The following UGGT1 variants were observed in gnomAD, a reference collection of about 807,000 sequenced individuals.
UGGT1 encodes UDP-glucose:glycoprotein glucosyltransferase 1.
A neutral mutation model predicts 203.9 loss-of-function variants in UGGT1; 107 were observed. The observed-to-expected ratio is 0.52, with a 90% CI of 0.45 to 0.62. UGGT1 has a LOEUF of 0.62. UGGT1 is among the 20% of genes least tolerant of loss of function. UGGT1 has a pLI of 0.00. For missense variants in UGGT1, 1,673 were observed against 1,867.2 expected (o/e 0.90, Z 1.92); for synonymous variants, 628 against 653.5 (o/e 0.96, Z 0.59).
chr2:128,147,432 T>A (rs1689744655), intron 18 of UGGT1, among the ~76,000 whole-genome samples: 1 of 152,184 alleles, frequency 6.6e-6, no homozygotes, highest in Non-Finnish European at 1.5e-5. Flanking sequence ...CTTGAATATA[T>A]TTGAAATCAT....
chr2:128,101,642 C>T (rs1469322894), intron 2 of UGGT1, among the ~76,000 whole-genome samples: 4 of 152,132 alleles, frequency 2.6e-5, no homozygotes, highest in Non-Finnish European at 5.9e-5. Flanking sequence ...CATTGACTAA[C>T]TCTATGTCCC....
chr2:128,172,086 A>T (rs749058281), intron 28 of UGGT1, among the ~76,000 whole-genome samples: 1 of 152,202 alleles, frequency 6.6e-6, no homozygotes, highest in Non-Finnish European at 1.5e-5. Flanking sequence ...AAATGTTTAC[A>T]TTATTAGTGT....
intron 16 of UGGT1, chr2:128,140,251 GA>G (rs1345069446): frequency 6.3e-6 from 1 of 157,898 alleles, no homozygotes; most frequent in African/African-American, 2.4e-5. Flanking sequence ...TCGGACCACA[GA>G]CTCCACAGAG....
chr2:128,132,019 G>C (rs1688903317), intron 13 of UGGT1, among the ~76,000 whole-genome samples: 1 of 152,106 alleles, frequency 6.6e-6, no homozygotes, highest in Non-Finnish European at 1.5e-5. Flanking sequence ...TACCAGCATT[G>C]CATGAGAGTT....
chr2:128,178,647 G>A, intron 34 of UGGT1, 78 bp downstream of exon 34: 1 of 1,282,606 alleles, frequency 7.8e-7, no homozygotes, highest in Non-Finnish European at 1.1e-6. Context: ...AAGGTTTTGT[G>A]GGATTCTGCT....
intron 19 of UGGT1, among the ~76,000 whole-genome samples, chr2:128,154,095 A>T (rs1690114509): frequency 6.6e-6 from 1 of 151,218 alleles, no homozygotes; most frequent in African/African-American, 2.4e-5. Context: ...ACTCCTATAC[A>T]TAAGCACACA....
At chr2:128,139,075 G>C (rs1410421122) in intron 16 of UGGT1, among the ~76,000 whole-genome samples, 1 of 152,204 alleles carries the variant, frequency 6.6e-6, no homozygotes. Flanking sequence ...ATCTCCATGA[G>C]AAGTAATGGG....
intron 6 of UGGT1, 93 bp downstream of exon 6, chr2:128,113,351 A>T (rs1687952656): frequency 1.8e-6 from 2 of 1,086,316 alleles, no homozygotes; most frequent in South Asian, 5.3e-5. Flanking sequence ...TTATAAAAAA[A>T]TCTAGTTATT....
chr2:128,118,461 T>C (rs1009898985), intron 8 of UGGT1, among the ~76,000 whole-genome samples: 1 of 152,174 alleles, frequency 6.6e-6, no homozygotes, highest in Non-Finnish European at 1.5e-5. Context: ...AGATAGAGTC[T>C]TGCTATATTG....
rs755084690 is a variant in UGGT1 at position 128,161,263 on chromosome 2, A to T, written c.2820A>T (p.Glu940Asp). The T allele has an allele frequency of 3.7e-6, 6 of 1,613,512 alleles. No individual in the cohort carries two copies. The highest frequency in any genetic ancestry group is 2.2e-5 in the East Asian group (1 of 44,850). The stretch of plus-strand genomic sequence containing the variant: ...ATATTCAACAGCTTCGGGTAGAAGA[A>T]GATGTGTAAGTTTTGCCATAGGAGG... ...KSHIQQLRVE[E>D]DVASDLVMKV... The change falls in exon 25 of 41, where the codon GAA becomes GAT. Residue 940 changes from glutamate to aspartate, a missense_variant. Coordinates refer to ENST00000259253, the MANE Select transcript of UGGT1 (RefSeq NM_020120.4).
intron 18 of UGGT1, among the ~76,000 whole-genome samples, chr2:128,148,268 G>A (rs544276562): frequency 6.6e-6 from 1 of 152,132 alleles, no homozygotes; most frequent in Admixed American, 6.6e-5. Context: ...TACCACATCG[G>A]CCAGGCTCTA....
rs905060201 is a variant in UGGT1, at chr2:128,194,860, C to G, written c.*5118C>G. ...GAGGATACAGATTTCTCATTTCATT[C>G]TTTGGTCTTTCATTTCTCTATATAC... On this transcript the variant is annotated 3_prime_UTR_variant, in exon 41 of 41. Coordinates refer to ENST00000259253, the MANE Select transcript of UGGT1 (RefSeq NM_020120.4). The G allele has an allele frequency of 2.0e-5, 3 of 152,124 alleles. No individual in the cohort carries two copies. Among genetic ancestry groups the G allele is most frequent in the Non-Finnish European group, 4.4e-5 (3 of 68,028 alleles). 9.4% of individuals were successfully genotyped at this position (152,124 alleles called of 1,614,324 possible).
chr2:128,160,035 T>C (rs1469123302), intron 23 of UGGT1, among the ~76,000 whole-genome samples: 1 of 152,226 alleles, frequency 6.6e-6, no homozygotes, highest in East Asian at 1.9e-4. Flanking sequence ...AAGGCTTATA[T>C]GTTCTTGATG....
At chr2:128,130,661 T>C (rs985099998) in intron 13 of UGGT1, among the ~76,000 whole-genome samples, 3 of 152,244 alleles carry the variant, frequency 2.0e-5, no homozygotes, top group African/African-American at 7.2e-5. Flanking sequence ...GAAACAGTTT[T>C]AGTTGAAGCC....
chr2:128,115,560 A>C (rs1688064424), intron 7 of UGGT1, among the ~76,000 whole-genome samples: 1 of 151,918 alleles, frequency 6.6e-6, no homozygotes, highest in Non-Finnish European at 1.5e-5. Context: ...AACGTTCAGC[A>C]AGTAGTAGCT....
Position 128,127,423 on chromosome 2 carries a change from C to T in UGGT1, c.1197C>T (p.His399=), listed in dbSNP as rs757479353. ...CAGCCCTCTTCATCAATGGACTTCACATGGATTTAGATACACAGGATATAT... is the reference window on the plus strand; with the variant it reads ...CAGCCCTCTTCATCAATGGACTTCATATGGATTTAGATACACAGGATATAT... ...GDSALFINGL[H]MDLDTQDIFS... Residue 399 remains histidine (H), a synonymous_variant, in exon 12 of 41, where the codon CAC becomes CAT. Coordinates refer to ENST00000259253, the MANE Select transcript of UGGT1 (RefSeq NM_020120.4). 8 of 1,613,464 alleles carry T rather than the reference C, an allele frequency of 5.0e-6. No individual in the cohort carries two copies. The South Asian group carries it at 8.8e-5, about 18-fold the overall frequency.
intron 7 of UGGT1, 98 bp downstream of exon 7, chr2:128,115,318 A>AGCAT: frequency 1.8e-6 from 2 of 1,101,184 alleles, no homozygotes; most frequent in Non-Finnish European, 2.6e-6. Context: ...GTGTATGCTG[A>AGCAT]ACCTGTGTTT....
chr2:128,169,399 C>G (rs1350642333), intron 26 of UGGT1, among the ~76,000 whole-genome samples: 11 of 123,118 alleles, frequency 8.9e-5, no homozygotes, highest in African/African-American at 3.3e-4. Context: ...AAAGAACAGG[C>G]AAAATATCTA....
chr2:128,139,228 C>T (rs999000569), intron 16 of UGGT1, among the ~76,000 whole-genome samples: 9 of 152,098 alleles, frequency 5.9e-5, no homozygotes, highest in African/African-American at 1.9e-4. Flanking sequence ...ATATATCTTC[C>T]ACAACGGCTA....
Sources: gnomAD v4.1 joint callset for allele counts (sites outside exome capture counted in the v4.1 genomes callset) on GRCh38, gnomAD v4.1.1 for gene constraint, MANE v1.5 for transcripts, NCBI Gene and HGNC (gene_info 2026-07-23, HGNC 2026-07-21) for gene names.